The following NTN1 variants were observed in gnomAD, a reference collection of about 807,000 sequenced individuals.
NTN1 encodes netrin-1.
A neutral mutation model predicts 54.2 loss-of-function variants in NTN1; 11 were observed. The observed-to-expected ratio is 0.20, with a 90% CI of 0.13 to 0.34. The LOEUF (loss-of-function observed/expected upper bound fraction) is 0.34, where lower values mean the gene tolerates loss of function less well. NTN1 is among the 10% of genes least tolerant of loss of function. NTN1 has a pLI of 1.00. For synonymous variants in NTN1, 371 were observed against 382.0 expected, an observed-to-expected ratio of 0.97 and a Z score of 0.33; for missense variants, 740 against 893.1, an observed-to-expected ratio of 0.83 and a Z score of 2.18.
chr17:9,116,626 C>G (rs1338153191), intron 2 of NTN1, among the ~76,000 whole-genome samples: 1 of 152,134 alleles, frequency 6.6e-6, no homozygotes, highest in Non-Finnish European at 1.5e-5. Context: ...AAAACCAGGC[C>G]CAGAAAACAC....
At position 9,091,378 on chromosome 17, in the gene NTN1, C is replaced by A. The variant is rs1225259224; in HGVS notation, c.1018+67987C>A. ...CAAGGGATCCTTCTGCTTCAGCCTC[C>A]CCAGTAGCTGGAACTACAGGCTCAA... On this transcript the variant is annotated intron_variant, in intron 2 of 6. Transcript: ENST00000173229. Among the ~76,000 whole-genome samples, 4 of 152,130 alleles carry A rather than the reference C, an allele frequency of 2.6e-5. No homozygotes were observed. In the East Asian group the frequency reaches 5.8e-4, roughly 22 times the overall value.
chr17:9,037,918 C>G (rs1018304422), intron 2 of NTN1, among the ~76,000 whole-genome samples: 1 of 152,156 alleles, frequency 6.6e-6, no homozygotes, highest in Admixed American at 6.5e-5. Flanking sequence ...AGAACACTTA[C>G]AACGGTTGCA....
intron 2 of NTN1, among the ~76,000 whole-genome samples, chr17:9,113,311 C>T (rs921257200): frequency 3.3e-5 from 5 of 151,964 alleles, no homozygotes; most frequent in Admixed American, 6.6e-5. Context: ...CATGAGCCAC[C>T]GCACTGGGCC....
intron 2 of NTN1, among the ~76,000 whole-genome samples, chr17:9,155,019 C>T (rs1291041658): frequency 6.6e-6 from 1 of 152,190 alleles, no homozygotes; most frequent in Admixed American, 6.5e-5. Context: ...TGACCATATG[C>T]ACGTTACAGT....
chr17:9,011,160 G>T, the NTN1 span, among the ~76,000 whole-genome samples: 1 of 152,188 alleles, frequency 6.6e-6, no homozygotes, highest in Non-Finnish European at 1.5e-5. Context: ...GAGCGATGGG[G>T]AGTGGTTGTA....
intron 2 of NTN1, among the ~76,000 whole-genome samples, chr17:9,103,429 G>A (rs912968038): frequency 6.6e-6 from 1 of 152,148 alleles, no homozygotes; most frequent in Non-Finnish European, 1.5e-5. Context: ...GGGGGAGTTT[G>A]CCTCCGTGCT....
At chr17:9,177,833 A>G (rs1003629147) in intron 3 of NTN1, 2 of 152,236 alleles carry the variant, frequency 1.3e-5, no homozygotes, top group Admixed American at 1.3e-4. Flanking sequence ...CTTACTGTCG[A>G]GAGAGACAAA....
chr17:9,079,535 C>G (rs1293814170), intron 2 of NTN1, among the ~76,000 whole-genome samples: 4 of 152,212 alleles, frequency 2.6e-5, no homozygotes, highest in Non-Finnish European at 5.9e-5. Flanking sequence ...AAGTGTTTCC[C>G]CAGCGGACCT....
chr17:9,099,371 C>G (rs768321318), intron 2 of NTN1, among the ~76,000 whole-genome samples: 2 of 152,168 alleles, frequency 1.3e-5, no homozygotes, highest in Non-Finnish European at 2.9e-5. Flanking sequence ...CGCCATTGCA[C>G]TCCAGCCTAG....
chr17:9,169,420 A>G (rs1050689223), intron 3 of NTN1, among the ~76,000 whole-genome samples: 8 of 152,186 alleles, frequency 5.3e-5, no homozygotes, highest in African/African-American at 1.9e-4. Flanking sequence ...TTGTGACTCG[A>G]CCCATGTGGC....
chr17:9,226,578 T>G (rs1334079561), intron 6 of NTN1, among the ~76,000 whole-genome samples: 1 of 151,854 alleles, frequency 6.6e-6, no homozygotes, highest in African/African-American at 2.4e-5. Flanking sequence ...CGCCCTCTCC[T>G]GGGGCACTCA....
Position 9,242,155 on chromosome 17 carries a change from A to C in NTN1, c.*2187A>C, listed in dbSNP as rs1336517023. ...CTTGGATGCTCCGAAGAGGTGGTAG[A>C]AAGGTGTTTTTAGAAAGGTGTTTTG... On this transcript the variant is annotated 3_prime_UTR_variant, in exon 7 of 7. Transcript: ENST00000173229. 1 of 152,522 alleles carries C rather than the reference A, an allele frequency of 6.6e-6. No homozygotes were observed. Among genetic ancestry groups the C allele is most frequent in the African/African-American group, 2.4e-5 (1 of 41,452 alleles). 9.4% of individuals were successfully genotyped at this position (152,522 alleles called of 1,614,324 possible).
intron 2 of NTN1, among the ~76,000 whole-genome samples, chr17:9,112,594 G>A (rs994724337): frequency 7.0e-6 from 1 of 143,346 alleles, no homozygotes; most frequent in African/African-American, 2.6e-5. Flanking sequence ...GGGAGGCCGA[G>A]GCAGGCGGAT....
chr17:9,043,876 G>A (rs2151513998), intron 2 of NTN1, among the ~76,000 whole-genome samples: 1 of 151,896 alleles, frequency 6.6e-6, no homozygotes, highest in South Asian at 2.1e-4. Context: ...CACTGCACCT[G>A]GCATCATCTT....
In NTN1 at chr17:9,023,315, G is replaced by T; in HGVS notation, c.942G>T (p.Glu314Asp). ...CDCRHNTAGPECDRCKPFHYD... is the reference protein window; with the variant it reads ...CDCRHNTAGPDCDRCKPFHYD... The stretch of plus-strand genomic sequence containing the variant: ...GCAGGCACAACACGGCCGGCCCGGA[G>T]TGCGACCGCTGCAAGCCCTTCCACT... The change falls in exon 2 of 7, where the codon GAG becomes GAT. Residue 314 changes from glutamate to aspartate, a missense_variant. Glu to Asp is a conservative substitution (Grantham distance 45). Transcript: ENST00000173229. 2 of 1,540,172 alleles carry T rather than the reference G, an allele frequency of 1.3e-6. No homozygotes were observed. Among genetic ancestry groups the T allele is most frequent in the Non-Finnish European group, 1.7e-6 (2 of 1,145,646 alleles).
intron 5 of NTN1, among the ~76,000 whole-genome samples, chr17:9,193,916 C>T (rs763842414): frequency 6.1e-3 from 51 of 8,332 alleles, no homozygotes; most frequent in Non-Finnish European, 0.01. Flanking sequence ...AGTGAAACTC[C>T]GACTAAAAAA....
At chr17:9,104,198 G>C (rs2092158921) in intron 2 of NTN1, among the ~76,000 whole-genome samples, 1 of 152,002 alleles carries the variant, frequency 6.6e-6, no homozygotes, top group African/African-American at 2.4e-5. Context: ...GTTGCCCGAG[G>C]TTAGGGGAGT....
intron 2 of NTN1, among the ~76,000 whole-genome samples, chr17:9,058,409 A>G (rs973678500): frequency 5.3e-5 from 8 of 152,144 alleles, no homozygotes; most frequent in African/African-American, 1.9e-4. Flanking sequence ...TCATATGAAC[A>G]TTAGTTAGTG....
intron 5 of NTN1, among the ~76,000 whole-genome samples, chr17:9,208,651 G>A (rs544397267): frequency 6.6e-5 from 10 of 152,310 alleles, no homozygotes; most frequent in Non-Finnish European, 1.3e-4. Context: ...CATGGCCTCC[G>A]GCTTCTCCTA....
Sources: allele counts gnomAD v4.1 joint callset (sites outside exome capture counted in the v4.1 genomes callset), GRCh38; gene constraint gnomAD v4.1.1; transcripts MANE v1.5; gene names NCBI Gene and HGNC (gene_info 2026-07-23, HGNC 2026-07-21).